The following KRT85 variants were observed in gnomAD, a reference collection of about 807,000 sequenced individuals.
KRT85 encodes keratin 85.
Under a neutral mutation model 53.7 loss-of-function variants are expected in KRT85, and 39 were observed. The ratio of observed to expected loss-of-function variants is 0.73; its 90% CI spans 0.56 to 0.95. The LOEUF is 0.95. Among genes scored for constraint, KRT85 ranks in the 40% least tolerant of loss-of-function variants. The probability of loss-of-function intolerance (pLI) is 0.00; values close to 1 mark genes in which losing one functional copy is unlikely to be tolerated. For synonymous variants in KRT85, 291 were observed against 277.5 expected (o/e 1.05, Z -0.48); for missense variants, 668 against 686.0 (o/e 0.97, Z 0.29).
Position 52,365,055 on chromosome 12 carries a change from A to T in KRT85, c.536T>A (p.Leu179Gln), listed in dbSNP as rs1939251521. The stretch of plus-strand genomic sequence containing the variant: ...CTCCACGCACTCGGCCTCCCGCCGC[A>T]GAGTCTCGATGTAGCCACTGAACAG... ...EPLFSGYIET[L>Q]RREAECVEAD... The change falls in exon 2 of 9, where the codon CTG (leucine) becomes CAG (glutamine). Residue 179 changes from leucine (L) to glutamine (Q), a missense_variant. Coordinates refer to ENST00000257901, the MANE Select transcript of KRT85 (RefSeq NM_002283.4). 1 of 1,613,774 alleles carries T rather than the reference A, an allele frequency of 6.2e-7. No individual in the cohort carries two copies. Among genetic ancestry groups the T allele is most frequent in the East Asian group, 2.2e-5 (1 of 44,882 alleles).
chr12:52,363,032 C>T, intron 5 of KRT85, 53 bp from the exon 6 acceptor site: 2 of 1,613,744 alleles, frequency 1.2e-6, no homozygotes, highest in South Asian at 2.2e-5. Context: ...CCCATCCATT[C>T]AGGACACCAC....
chr12:52,364,488 C>T, intron 2 of KRT85, 122 bp from the exon 3 acceptor site: 1 of 1,569,940 alleles, frequency 6.4e-7, no homozygotes, highest in South Asian at 1.2e-5. Flanking sequence ...TTGTCTTGGC[C>T]CCTCCAGGAT....
At position 52,365,114 on chromosome 12, in the gene KRT85, C is replaced by G; in HGVS notation, c.477G>C (p.Gln159His). ...GGTTGCTCTCGCAGCAGCGCTGGTT[C>G]TGGTAGAACTGCCACTTGGTCTCCA... ...KLLETKWQFYQNQRCCESNLE... is the reference protein window; with the variant it reads ...KLLETKWQFYHNQRCCESNLE... The change falls in exon 2 of 9, where the codon CAG becomes CAC. Residue 159 changes from glutamine (Q) to histidine (H), a missense_variant. By Grantham distance (24) the Gln-to-His change is conservative. Coordinates refer to ENST00000257901, the MANE Select transcript of KRT85 (RefSeq NM_002283.4). 1 of 1,614,242 alleles carries G rather than the reference C, an allele frequency of 6.2e-7. No individual in the cohort carries two copies. Among genetic ancestry groups the G allele is most frequent in the Non-Finnish European group, 8.5e-7 (1 of 1,180,050 alleles).
chr12:52,366,688 T>C (rs1425992591), intron 1 of KRT85, among the ~76,000 whole-genome samples: 3 of 150,650 alleles, frequency 2.0e-5, no homozygotes, highest in Admixed American at 6.6e-5. Context: ...CACACACACA[T>C]ATACACACCA....
intron 7 of KRT85, 61 bp downstream of exon 7, chr12:52,362,190 T>A: frequency 6.2e-7 from 1 of 1,611,514 alleles, no homozygotes; most frequent in African/African-American, 1.3e-5. Context: ...CTCAAGGAAA[T>A]TCACTCCTGG....
At chr12:52,363,035 G>A in intron 5 of KRT85, 56 bp from the exon 6 acceptor site, 3 of 1,613,640 alleles carry the variant, frequency 1.9e-6, no homozygotes, top group Non-Finnish European at 2.5e-6. Flanking sequence ...ATCCATTCAG[G>A]ACACCACAGA....
rs749177362 is a variant in KRT85 at position 52,367,110 on chromosome 12, G to A, written c.296C>T (p.Ser99Leu). The A allele has an allele frequency of 1.2e-6, 2 of 1,613,320 alleles. No homozygotes were observed. The highest frequency in any genetic ancestry group is 1.3e-5 in the African/African-American group (1 of 75,024). The part of the protein sequence containing the change: ...GPSPPCITTV[S>L]VNESLLTPLN... ...GGGCGTGAGGAGGCTCTCGTTGACCGACACGGTAGTGATGCATGGGGGGCT... is the reference window on the plus strand; with the variant it reads ...GGGCGTGAGGAGGCTCTCGTTGACCAACACGGTAGTGATGCATGGGGGGCT... Residue 99 changes from serine (S) to leucine (L), a missense_variant, in exon 1 of 9, where the codon TCG becomes TTG. Coordinates refer to ENST00000257901, the MANE Select transcript of KRT85 (RefSeq NM_002283.4).
intron 1 of KRT85, among the ~76,000 whole-genome samples, chr12:52,366,630 C>A (rs991385065): frequency 6.6e-6 from 1 of 152,118 alleles, no homozygotes; most frequent in Non-Finnish European, 1.5e-5. Context: ...CGCTCACACA[C>A]ATGTACACAC....
chr12:52,364,251 G>A (rs1335695932), intron 3 of KRT85, 55 bp downstream of exon 3: 17 of 1,612,708 alleles, frequency 1.1e-5, no homozygotes, highest in Admixed American at 1.7e-5. Context: ...CCTGCCCCTC[G>A]CTGGAGTTTG....
At chr12:52,361,852 G>GCAT (rs1939195541) in intron 7 of KRT85, among the ~76,000 whole-genome samples, 1 of 151,890 alleles carries the variant, frequency 6.6e-6, no homozygotes, top group South Asian at 2.1e-4. Context: ...ATATAGAAGT[G>GCAT]CATCATCATC....
chr12:52,361,397 T>G, intron 8 of KRT85, 70 bp downstream of exon 8: 1 of 1,404,418 alleles, frequency 7.1e-7, no homozygotes, highest in Non-Finnish European at 1.0e-6. Context: ...GCTCCATGGG[T>G]TAGGCCAATG....
rs777691039 is a variant in KRT85 at position 52,362,410 on chromosome 12, T to G, written c.1139A>C (p.Asp380Ala). ...AEQQGEAALS[D>A]ARCKLAELEG... ...CAGCTCAGCCAGCTTGCAGCGGGCA[T>G]CGCTGAGGGCCGCCTCACCCTGCTG... Residue 380 changes from aspartate (D) to alanine (A), a missense_variant, in exon 7 of 9, where the codon GAT becomes GCT. By Grantham distance (126) the Asp-to-Ala change is moderately radical. Transcript: ENST00000257901. 6 of 1,614,160 alleles carry G rather than the reference T, an allele frequency of 3.7e-6. No homozygotes were observed. The highest frequency in any genetic ancestry group is 5.1e-6 in the Non-Finnish European group (6 of 1,180,024).
At chr12:52,362,657 G>A (rs1054416612) in intron 6 of KRT85, among the ~76,000 whole-genome samples, 186 bp from the exon 7 acceptor site, 1 of 152,170 alleles carries the variant, frequency 6.6e-6, no homozygotes, top group Non-Finnish European at 1.5e-5. Flanking sequence ...CTCCTTGATG[G>A]CGGTCACAGG....
intron 1 of KRT85, 100 bp from the exon 2 acceptor site, chr12:52,365,270 G>C (rs1271520215): frequency 1.5e-6 from 2 of 1,293,590 alleles, no homozygotes; most frequent in Non-Finnish European, 2.2e-6. Flanking sequence ...AATGGGCTGA[G>C]CCATAAAGCT....
intron 1 of KRT85, 124 bp downstream of exon 1, chr12:52,366,862 G>A (rs1939279172): frequency 1.3e-6 from 2 of 1,497,140 alleles, no homozygotes; most frequent in Non-Finnish European, 1.9e-6. Flanking sequence ...CACCTGTATG[G>A]GTCTGCACGT....
Position 52,360,715 on chromosome 12 carries a change from T to C in KRT85, c.*138A>G. 1 of 1,007,248 alleles carries C rather than the reference T, an allele frequency of 9.9e-7. No individual in the cohort carries two copies. Among genetic ancestry groups the C allele is most frequent in the Non-Finnish European group, 1.5e-6 (1 of 647,730 alleles). 62.4% of individuals were successfully genotyped at this position (1,007,248 alleles called of 1,614,324 possible). ...CGCAGGGGAGCGGCCCGAGGGTCTT[T>C]CCCTCTGTAGGTCTTTCCCTCTGTA... On this transcript the variant is annotated 3_prime_UTR_variant, in exon 9 of 9. Coordinates refer to ENST00000257901, the MANE Select transcript of KRT85 (RefSeq NM_002283.4).
chr12:52,364,997 G>A lies in KRT85; in HGVS notation c.594C>T (p.Asn198=), dbSNP rs575729210. 1 of 1,612,960 alleles carries A rather than the reference G, an allele frequency of 6.2e-7. No homozygotes were observed. Among genetic ancestry groups the A allele is most frequent in the South Asian group, 1.1e-5 (1 of 91,012 alleles). ...ADSGRLASEL[N]HVQEVLEGYK... ...AGCCCTCCAGCACCTCCTGCACATG[G>A]TTGAGCTCTGAGGCCAGCCTCCCGC... The change falls in exon 2 of 9, where the codon AAC becomes AAT. Residue 198 remains asparagine, a synonymous_variant. Transcript: ENST00000257901.
In KRT85 at chr12:52,361,454, GGC is replaced by G; in HGVS notation, c.1330+11_1330+12del. On this transcript the variant is annotated intron_variant, in intron 8 of 8. Transcript: ENST00000257901. Reference sequence around the variant, plus strand: ...AAGCCATTTTTCCAGGAGAATTTCAGGCAGATACTCACAGACATTCACAGAGC... The same window carrying G: ...AAGCCATTTTTCCAGGAGAATTTCAGAGATACTCACAGACATTCACAGAGC... 1 of 1,613,480 alleles carries G rather than the reference GGC, an allele frequency of 6.2e-7. No homozygotes were observed. The highest frequency in any genetic ancestry group is 8.5e-7 in the Non-Finnish European group (1 of 1,179,396).
intron 2 of KRT85, chr12:52,364,610 T>TA: frequency 1.4e-6 from 2 of 1,440,508 alleles, no homozygotes; most frequent in South Asian, 3.0e-5. Context: ...CCCCCAAGTC[T>TA]AAAATCATCT....
Sources: allele counts gnomAD v4.1 joint callset (sites outside exome capture counted in the v4.1 genomes callset), GRCh38; gene constraint gnomAD v4.1.1; transcripts MANE v1.5; gene names NCBI Gene and HGNC (gene_info 2026-07-23, HGNC 2026-07-21).